The following CRPPA variants were observed in gnomAD, a reference collection of about 807,000 sequenced individuals.
CRPPA encodes the protein D-ribitol-5-phosphate cytidylyltransferase.
Under a neutral mutation model 52.0 loss-of-function variants are expected in CRPPA, and 43 were observed. That is an observed-to-expected ratio of 0.83 (90% CI 0.65 to 1.07). The LOEUF (loss-of-function observed/expected upper bound fraction) is 1.07, where lower values mean the gene tolerates loss of function less well. Among genes scored for constraint, CRPPA ranks in the 50% least tolerant of loss-of-function variants. The probability of loss-of-function intolerance (pLI) is 0.00; values close to 1 mark genes in which losing one functional copy is unlikely to be tolerated. For synonymous variants in CRPPA, 250 were observed against 203.5 expected, an observed-to-expected ratio of 1.23 and a Z score of -1.94; for missense variants, 629 against 551.7, an observed-to-expected ratio of 1.14 and a Z score of -1.40.
intron 3 of CRPPA, among the ~76,000 whole-genome samples, chr7:16,314,175 A>G (rs186757418): frequency 6.6e-6 from 1 of 150,492 alleles, no homozygotes; most frequent in East Asian, 1.9e-4. Flanking sequence ...ACATATAAGG[A>G]TGGTCTGTTG....
intron 9 of CRPPA, among the ~76,000 whole-genome samples, chr7:16,214,558 C>T (rs1287449190): frequency 6.6e-5 from 10 of 151,888 alleles, no homozygotes; most frequent in Admixed American, 5.9e-4. Flanking sequence ...TGTGCAGGGG[C>T]GGCAACCTCT....
At chr7:16,145,291 A>G (rs1259684805) in intron 9 of CRPPA, among the ~76,000 whole-genome samples, 1 of 152,240 alleles carries the variant, frequency 6.6e-6, no homozygotes, top group Non-Finnish European at 1.5e-5. Flanking sequence ...ACCTGGCACA[A>G]CCATAGGACC....
chr7:16,351,842 G>A (rs1786162961), intron 3 of CRPPA, among the ~76,000 whole-genome samples: 2 of 152,150 alleles, frequency 1.3e-5, no homozygotes, highest in Non-Finnish European at 2.9e-5. Flanking sequence ...AACCATTGTG[G>A]AAGACAGTGT....
At chr7:16,128,577 C>T (rs1214038983) in intron 9 of CRPPA, among the ~76,000 whole-genome samples, 1 of 152,082 alleles carries the variant, frequency 6.6e-6, no homozygotes, top group East Asian at 1.9e-4. Flanking sequence ...AAAGAAATAA[C>T]TTGACAAGAA....
At chr7:16,274,241 G>A (rs756652244) in intron 6 of CRPPA, among the ~76,000 whole-genome samples, 3 of 151,946 alleles carry the variant, frequency 2.0e-5, no homozygotes, top group Non-Finnish European at 2.9e-5. Context: ...AGTAGAGACA[G>A]GTTTCACCGT....
chr7:16,143,968 C>T lies in CRPPA; in HGVS notation c.1252-52169G>A, dbSNP rs116333565. ...AAGATGGGGGAACAGGAGGTCCTCA[C>T]GCTGAATTCGTCTACAGAAACAAAT... On this transcript the variant is annotated intron_variant, in intron 9 of 9. Transcript: ENST00000407010. 9.7e-3 allele frequency among the ~76,000 whole-genome samples: 1,473 copies of T among 152,260 alleles called. 30 individuals carry two copies. Among genetic ancestry groups the T allele is most frequent in the African/African-American group, 0.034 (1,406 of 41,538 alleles).
At chr7:16,375,685 A>G (rs1786862151) in intron 3 of CRPPA, among the ~76,000 whole-genome samples, 1 of 152,156 alleles carries the variant, frequency 6.6e-6, no homozygotes, top group Non-Finnish European at 1.5e-5. Context: ...TATGCTGAAC[A>G]CCAACTTTCC....
chr7:16,202,775 A>C (rs939221834), intron 9 of CRPPA, among the ~76,000 whole-genome samples: 2 of 152,190 alleles, frequency 1.3e-5, no homozygotes, highest in Non-Finnish European at 2.9e-5. Flanking sequence ...AACAGTATAA[A>C]CAAACTATTT....
At chr7:16,235,487 C>T (rs1189211131) in intron 8 of CRPPA, among the ~76,000 whole-genome samples, 2 of 151,974 alleles carry the variant, frequency 1.3e-5, no homozygotes, top group African/African-American at 2.4e-5. Flanking sequence ...GGTCTGCTGC[C>T]TATTTTGTAA....
At position 16,382,025 on chromosome 7, in the gene CRPPA, C is replaced by A. The variant is rs951752983; in HGVS notation, c.535-5784G>T. Among the ~76,000 whole-genome samples, 934 of 151,710 alleles carry A rather than the reference C, an allele frequency of 6.2e-3. 9 individuals are homozygous for A. Among genetic ancestry groups the A allele is most frequent in the Non-Finnish European group, 5.3e-3 (358 of 67,866 alleles). ...TAATATTGTTATGTGTGAATTTGAT[C>A]CTGTCATGATGATGTTAGCTGGTGA... On this transcript the variant is annotated intron_variant, in intron 2 of 9. Coordinates refer to ENST00000407010, the MANE Select transcript of CRPPA (RefSeq NM_001101426.4).
intron 9 of CRPPA, among the ~76,000 whole-genome samples, chr7:16,108,161 T>C (rs577486619): frequency 6.6e-6 from 1 of 152,114 alleles, no homozygotes; most frequent in South Asian, 2.1e-4. Context: ...CATAAATGAA[T>C]TGAATTCTCT....
intron 9 of CRPPA, among the ~76,000 whole-genome samples, chr7:16,196,651 T>C (rs17616119): frequency 0.028 from 4,256 of 152,216 alleles, 225 homozygotes; most frequent in Admixed American, 0.14. Context: ...TTATAGTATC[T>C]AGAGAAAGAC....
Position 16,105,211 on chromosome 7 carries a change from T to C in CRPPA, c.1252-13412A>G, listed in dbSNP as rs921702490. On this transcript the variant is annotated intron_variant, in intron 9 of 9. Coordinates refer to ENST00000407010, the MANE Select transcript of CRPPA (RefSeq NM_001101426.4). ...GTTCAACTAGCAACTATCCGCAGAC[T>C]GGAAGAATATCTTTTTTTAAACCCC... is the stretch of plus-strand genomic sequence containing the variant. 3.3e-5 allele frequency among the ~76,000 whole-genome samples: 5 copies of C among 152,176 alleles called. 1 individual carries two copies. The South Asian group carries it at 1.0e-3, about 32-fold the overall frequency.
intron 2 of CRPPA, among the ~76,000 whole-genome samples, chr7:16,386,266 T>TTCTTCTTC (rs1364910594): frequency 6.6e-6 from 1 of 152,168 alleles, no homozygotes; most frequent in African/African-American, 2.4e-5. Context: ...GATGCTCTTT[T>TTCTTCTTC]TCTTCTTCTC....
chr7:16,243,241 G>T (rs1337990515), intron 8 of CRPPA, among the ~76,000 whole-genome samples: 2 of 152,042 alleles, frequency 1.3e-5, no homozygotes, highest in African/African-American at 2.4e-5. Flanking sequence ...GAAGGTGCCT[G>T]CTTCTCCTTC....
chr7:16,116,767 A>G (rs1193576898), intron 9 of CRPPA, among the ~76,000 whole-genome samples: 2 of 152,112 alleles, frequency 1.3e-5, no homozygotes, highest in African/African-American at 4.8e-5. Context: ...AGACATGACA[A>G]CAAAATGCAA....
In CRPPA at chr7:16,311,019, C is replaced by T. The variant is rs76443884; in HGVS notation, c.685-2392G>A. On this transcript the variant is annotated intron_variant, in intron 3 of 9. Coordinates refer to ENST00000407010, the MANE Select transcript of CRPPA (RefSeq NM_001101426.4). ...TATCCATGCATTGTTTTCTTTCCTA[C>T]ACTTTTTAAGACTTTAAATATTAGG... Among the ~76,000 whole-genome samples, 1,072 of 152,254 alleles carry T rather than the reference C, an allele frequency of 7.0e-3. 18 individuals are homozygous for T. Among genetic ancestry groups the T allele is most frequent in the African/African-American group, 0.025 (1,046 of 41,552 alleles).
intron 5 of CRPPA, among the ~76,000 whole-genome samples, chr7:16,284,303 TAGAC>T (rs1213025525): frequency 3.3e-5 from 5 of 152,036 alleles, no homozygotes; most frequent in African/African-American, 1.2e-4. Context: ...ATTTTAAAAA[TAGAC>T]ATATATAAGG....
chr7:16,175,594 A>C (rs1167289469), intron 9 of CRPPA, among the ~76,000 whole-genome samples: 1 of 152,124 alleles, frequency 6.6e-6, no homozygotes, highest in Non-Finnish European at 1.5e-5. Flanking sequence ...TTCTGCACAG[A>C]ATCTCCACAC....
Sources: allele counts gnomAD v4.1 joint callset (sites outside exome capture counted in the v4.1 genomes callset), GRCh38; gene constraint gnomAD v4.1.1; transcripts MANE v1.5; gene names NCBI Gene and HGNC (gene_info 2026-07-23, HGNC 2026-07-21).